RBM34: variants seen among roughly 807,000 people sequenced by gnomAD.
The protein encoded by RBM34 is RNA-binding protein 34.
Under a neutral mutation model 44.6 loss-of-function variants are expected in RBM34, and 39 were observed. The observed-to-expected ratio is 0.87, with a 90% CI of 0.68 to 1.14. The LOEUF is 1.14. RBM34 is among the 50% of genes most tolerant of loss of function. RBM34 has a pLI of 0.00. For synonymous variants in RBM34, 194 were observed against 184.0 expected, an observed-to-expected ratio of 1.05 and a Z score of -0.44; for missense variants, 572 against 517.9, an observed-to-expected ratio of 1.10 and a Z score of -1.01.
intron 5 of RBM34, among the ~76,000 whole-genome samples, chr1:235,148,811 G>A (rs916128084): frequency 6.6e-6 from 1 of 151,888 alleles, no homozygotes; most frequent in Non-Finnish European, 1.5e-5. Flanking sequence ...GGTTAGCCAG[G>A]ATGGTCTCGA....
intron 6 of RBM34, among the ~76,000 whole-genome samples, chr1:235,145,641 T>A (rs950061093): frequency 6.6e-6 from 1 of 152,160 alleles, no homozygotes; most frequent in Non-Finnish European, 1.5e-5. Context: ...CATAAATAGG[T>A]TGCAATCTCT....
chr1:235,139,691 C>T (rs565353456), intron 6 of RBM34, among the ~76,000 whole-genome samples: 11 of 152,276 alleles, frequency 7.2e-5, no homozygotes, highest in African/African-American at 2.6e-4. Context: ...TAAGAAGAAA[C>T]CAGATAACCC....
chr1:235,150,493 C>A (rs1052579977), intron 5 of RBM34, among the ~76,000 whole-genome samples: 1 of 152,098 alleles, frequency 6.6e-6, no homozygotes, highest in East Asian at 1.9e-4. Flanking sequence ...GAAGAAGGGA[C>A]ATTTTTAGCC....
rs755946546 is a variant in RBM34, at chr1:235,131,547, T to C, written c.*166A>G. ...AAAACAAAAAAACCTTCAAAGGTAGTATCACAATGTGAATAAACTGAGAAT... is the reference window on the plus strand; with the variant it reads ...AAAACAAAAAAACCTTCAAAGGTAGCATCACAATGTGAATAAACTGAGAAT... On this transcript the variant is annotated 3_prime_UTR_variant, in exon 11 of 11. Coordinates refer to ENST00000408888, the MANE Select transcript of RBM34 (RefSeq NM_015014.4). 6.6e-6 allele frequency: 5 copies of C among 759,922 alleles called. No homozygotes were observed. Among genetic ancestry groups the C allele is most frequent in the African/African-American group, 1.8e-5 (1 of 56,580 alleles). The allele number at this position is 759,922 out of a possible 1,614,324, so 47.1% of individuals were successfully genotyped here.
At chr1:235,140,454 A>G (rs925874338) in intron 6 of RBM34, among the ~76,000 whole-genome samples, 2 of 152,256 alleles carry the variant, frequency 1.3e-5, no homozygotes, top group South Asian at 4.2e-4. Context: ...GCTGCGGAGG[A>G]TGTACTGGGT....
rs1415713093 is a variant in RBM34 at position 235,161,079 on chromosome 1, C to T, written c.54-12G>A. On this transcript the variant is annotated splice_polypyrimidine_tract_variant and intron_variant, in intron 1 of 10. Transcript: ENST00000408888. The stretch of plus-strand genomic sequence containing the variant: ...CGTCAGGATTCTCTCTAGAAATGGA[C>T]GACAGAAACTCAGCCACGCCACGCA... The T allele has an allele frequency of 1.2e-6, 2 of 1,609,682 alleles. No homozygotes were observed. The highest frequency in any genetic ancestry group is 8.5e-7 in the Non-Finnish European group (1 of 1,176,404).
At chr1:235,132,024 T>C (rs779611522) in intron 10 of RBM34, 27 bp from the exon 11 acceptor site, 2 of 1,540,936 alleles carry the variant, frequency 1.3e-6, no homozygotes, top group East Asian at 2.3e-5. Context: ...AATACATTAA[T>C]TGCTACCAGA....
chr1:235,135,867 G>C (rs1353954525), intron 9 of RBM34, 97 bp from the exon 10 acceptor site: 1 of 1,284,864 alleles, frequency 7.8e-7, no homozygotes, highest in East Asian at 2.3e-5. Context: ...ATGGTCCCAT[G>C]AAAATAAGCC....
chr1:235,161,101 C>T (rs1662700800), intron 1 of RBM34, 34 bp from the exon 2 acceptor site: 1 of 1,607,788 alleles, frequency 6.2e-7, no homozygotes, highest in African/African-American at 1.3e-5. Context: ...AGCCACGCCA[C>T]GCACCACCGC....
chr1:235,157,210 A>C (rs1388513980), intron 3 of RBM34, among the ~76,000 whole-genome samples: 1 of 152,222 alleles, frequency 6.6e-6, no homozygotes, highest in Non-Finnish European at 1.5e-5. Context: ...AAAGAGGATA[A>C]GGTTGGAGAA....
intron 6 of RBM34, among the ~76,000 whole-genome samples, chr1:235,140,453 G>A (rs1257771618): frequency 2.0e-5 from 3 of 152,332 alleles, no homozygotes; most frequent in Middle Eastern, 3.4e-3. Flanking sequence ...GGCTGCGGAG[G>A]ATGTACTGGG....
intron 6 of RBM34, among the ~76,000 whole-genome samples, chr1:235,145,926 C>A (rs1661880379): frequency 6.7e-6 from 1 of 148,466 alleles, no homozygotes; most frequent in Non-Finnish European, 1.5e-5. Flanking sequence ...GCTGGGACTA[C>A]AGACACGTGC....
intron 3 of RBM34, 131 bp downstream of exon 3, chr1:235,160,380 T>C: frequency 8.4e-7 from 1 of 1,187,916 alleles, no homozygotes; most frequent in Non-Finnish European, 1.2e-6. Context: ...TTTCTATATG[T>C]ACTGGATTTT....
intron 3 of RBM34, among the ~76,000 whole-genome samples, chr1:235,157,899 A>T (rs1226082430): frequency 6.6e-6 from 1 of 152,148 alleles, no homozygotes. Context: ...ACGGAGAATA[A>T]AACCCACCAC....
intron 10 of RBM34, 128 bp downstream of exon 10, chr1:235,135,524 T>A: frequency 1.2e-6 from 1 of 839,106 alleles, no homozygotes; most frequent in Admixed American, 1.9e-5. Context: ...TCACTGCACC[T>A]AGCCCAGTTT....
At chr1:235,150,202 G>T (rs940786081) in intron 5 of RBM34, among the ~76,000 whole-genome samples, 2 of 152,184 alleles carry the variant, frequency 1.3e-5, no homozygotes, top group Non-Finnish European at 2.9e-5. Flanking sequence ...AGCCTCCCGA[G>T]TAGCTGGGAT....
chr1:235,153,186 G>C (rs924672799), intron 4 of RBM34, among the ~76,000 whole-genome samples: 1 of 150,054 alleles, frequency 6.7e-6, no homozygotes, highest in African/African-American at 2.5e-5. Flanking sequence ...CAGTTTTTAA[G>C]AACATTTCAG....
chr1:235,155,830 T>TATATATATAC (rs1553275306), intron 3 of RBM34, among the ~76,000 whole-genome samples: 2 of 18,194 alleles, frequency 1.1e-4, no homozygotes, highest in Non-Finnish European at 1.8e-4. Context: ...TACATATATA[T>TATATATATAC]ATATATATAT....
chr1:235,149,624 A>C (rs1382206907), intron 5 of RBM34, among the ~76,000 whole-genome samples: 1 of 152,130 alleles, frequency 6.6e-6, no homozygotes, highest in African/African-American at 2.4e-5. Flanking sequence ...TTCCAGTCAT[A>C]TATAGCCTCC....
Sources: allele counts gnomAD v4.1 joint callset (sites outside exome capture counted in the v4.1 genomes callset), GRCh38; gene constraint gnomAD v4.1.1; transcripts MANE v1.5; gene names NCBI Gene and HGNC (gene_info 2026-07-23, HGNC 2026-07-21).